Variants in NRXN1 observed in about 807,000 individuals in gnomAD.
The protein encoded by NRXN1 is neurexin 1.
In NRXN1, 39 loss-of-function variants were observed where a neutral mutation model predicts 150.9. That is an observed-to-expected ratio of 0.26 (90% confidence interval 0.20 to 0.34). The LOEUF (loss-of-function observed/expected upper bound fraction) is 0.34. Ranked by LOEUF, NRXN1 falls within the 10% of genes least tolerant of loss-of-function variation. NRXN1 has a pLI of 1.00. For missense variants in NRXN1, 1,815 were observed against 1,949.9 expected (o/e 0.93, Z 1.30); for synonymous variants, 924 against 757.0 (o/e 1.22, Z -3.62).
intron 17 of NRXN1, among the ~76,000 whole-genome samples, chr2:50,392,729 C>T (rs867084150): frequency 2.0e-5 from 3 of 151,932 alleles, no homozygotes; most frequent in African/African-American, 4.8e-5. Flanking sequence ...AATAAACATG[C>T]GAAAACAAAG....
At position 50,930,819 on chromosome 2, in the gene NRXN1, G is replaced by A. The variant is rs553911893; in HGVS notation, c.773-4864C>T. 2.0e-5 allele frequency among the ~76,000 whole-genome samples: 3 copies of A among 152,236 alleles called. No homozygotes were observed. The South Asian group carries it at 6.2e-4, about 32-fold the overall frequency. On this transcript the variant is annotated intron_variant, in intron 2 of 22. Coordinates refer to ENST00000401669, the MANE Select transcript of NRXN1 (RefSeq NM_001330078.2). ...GAATTGACAGACAACACTGAGCAGA[G>A]TGCTTATCACATACCCTCCCAACCA...
At chr2:50,438,891 C>T (rs538154899) in intron 17 of NRXN1, among the ~76,000 whole-genome samples, 4 of 152,286 alleles carry the variant, frequency 2.6e-5, no homozygotes, top group Admixed American at 6.5e-5. Context: ...CCTATGACCA[C>T]GATGCATTCT....
At chr2:50,885,398 C>A (rs1294239862) in intron 5 of NRXN1, among the ~76,000 whole-genome samples, 5 of 148,832 alleles carry the variant, frequency 3.4e-5, no homozygotes, top group African/African-American at 4.9e-5. Context: ...AAAAAAAAAA[C>A]CCACAAGTGA....
intron 3 of NRXN1, 81 bp from the exon 4 acceptor site, chr2:50,922,768 A>G (rs979532928): frequency 2.3e-6 from 3 of 1,309,724 alleles, no homozygotes; most frequent in Middle Eastern, 1.8e-4. Flanking sequence ...AAAAATGTTC[A>G]GTGACAGACA....
At chr2:50,545,892 C>T (rs2093481820) in intron 9 of NRXN1, among the ~76,000 whole-genome samples, 1 of 152,094 alleles carries the variant, frequency 6.6e-6, no homozygotes, top group Admixed American at 6.6e-5. Flanking sequence ...TTTAAATCAT[C>T]TCTAAACTAC....
chr2:50,720,126 G>C (rs1696440466), intron 5 of NRXN1, among the ~76,000 whole-genome samples: 1 of 152,040 alleles, frequency 6.6e-6, no homozygotes, highest in Non-Finnish European at 1.5e-5. Flanking sequence ...TCCAGCAAGT[G>C]GTCTGATTTT....
intron 18 of NRXN1, among the ~76,000 whole-genome samples, chr2:50,153,394 A>T (rs868394763): frequency 1.4e-5 from 2 of 146,118 alleles, no homozygotes; most frequent in East Asian, 2.0e-4. Flanking sequence ...TTTATATGTA[A>T]TTTTTTTTTT....
At chr2:50,278,727 G>C (rs2071003501) in intron 17 of NRXN1, among the ~76,000 whole-genome samples, 1 of 152,040 alleles carries the variant, frequency 6.6e-6, no homozygotes, top group Non-Finnish European at 1.5e-5. Flanking sequence ...GTCCAAAACG[G>C]TCCAGGATAG....
intron 5 of NRXN1, among the ~76,000 whole-genome samples, chr2:50,824,952 C>T (rs1222077716): frequency 6.6e-6 from 1 of 152,178 alleles, no homozygotes; most frequent in Non-Finnish European, 1.5e-5. Flanking sequence ...ATCTTGGAGA[C>T]CGGAATTCTC....
At chr2:50,386,232 G>A (rs1572777847) in intron 17 of NRXN1, among the ~76,000 whole-genome samples, 1 of 152,196 alleles carries the variant, frequency 6.6e-6, no homozygotes, top group East Asian at 1.9e-4. Flanking sequence ...ATATCATTTT[G>A]CTATATTTGA....
At chr2:50,293,828 A>T (rs1321499876) in intron 17 of NRXN1, among the ~76,000 whole-genome samples, 1 of 152,136 alleles carries the variant, frequency 6.6e-6, no homozygotes, top group East Asian at 1.9e-4. Context: ...AAGTAGTGTA[A>T]CCATGTTCTA....
intron 5 of NRXN1, chr2:50,918,839 C>G: frequency 4.2e-6 from 1 of 236,992 alleles, no homozygotes; most frequent in Non-Finnish European, 8.1e-6. Flanking sequence ...AAATTTCAAG[C>G]CCCAAAAAAA....
At chr2:50,483,799 A>G (rs2104806412) in intron 15 of NRXN1, among the ~76,000 whole-genome samples, 2 of 152,342 alleles carry the variant, frequency 1.3e-5, no homozygotes, top group South Asian at 4.1e-4. Flanking sequence ...AGGAGTTTAG[A>G]AATGACTGTT....
chr2:50,157,864 A>G (rs1480929479), intron 18 of NRXN1, among the ~76,000 whole-genome samples: 1 of 151,964 alleles, frequency 6.6e-6, no homozygotes, highest in Non-Finnish European at 1.5e-5. Context: ...TCTTCTGAAC[A>G]CATTGAATTT....
chr2:50,453,566 T>C (rs980542670), intron 17 of NRXN1, among the ~76,000 whole-genome samples: 15 of 152,234 alleles, frequency 9.9e-5, no homozygotes, highest in African/African-American at 3.6e-4. Flanking sequence ...TACTAAAATA[T>C]TGAACCAAAA....
intron 1 of NRXN1, among the ~76,000 whole-genome samples, chr2:51,030,955 C>CT (rs1000802374): frequency 2.6e-5 from 4 of 151,632 alleles, no homozygotes; most frequent in Non-Finnish European, 5.9e-5. Flanking sequence ...ATCACATAAC[C>CT]TTTTTTCTCC....
intron 15 of NRXN1, among the ~76,000 whole-genome samples, chr2:50,488,720 C>T (rs1354896486): frequency 6.6e-6 from 1 of 152,148 alleles, no homozygotes; most frequent in African/African-American, 2.4e-5. Flanking sequence ...GTATAAGTCT[C>T]CCTTCAGCAA....
chr2:50,411,052 G>A (rs60239863), intron 17 of NRXN1, among the ~76,000 whole-genome samples: 1 of 149,830 alleles, frequency 6.7e-6, no homozygotes, highest in South Asian at 2.1e-4. Context: ...CCCCCTCCCC[G>A]TCCCTCTCCC....
chr2:50,971,552 C>T (rs1275899802), intron 2 of NRXN1, among the ~76,000 whole-genome samples: 1 of 151,864 alleles, frequency 6.6e-6, no homozygotes, highest in African/African-American at 2.4e-5. Context: ...CATTGCACTC[C>T]AGCCTGGGTG....
Sources: gnomAD v4.1 joint callset for allele counts (sites outside exome capture counted in the v4.1 genomes callset) on GRCh38, gnomAD v4.1.1 for gene constraint, MANE v1.5 for transcripts, NCBI Gene and HGNC (gene_info 2026-07-23, HGNC 2026-07-21) for gene names.